The following NLRC5 variants were observed in gnomAD, a reference collection of about 807,000 sequenced individuals.
The protein encoded by NLRC5 is protein NLRC5.
In NLRC5, 114 loss-of-function variants were observed where a neutral mutation model predicts 206.9. The observed-to-expected ratio is 0.55, with a 90% CI of 0.47 to 0.64. NLRC5 has a LOEUF of 0.64. Ranked by LOEUF, NLRC5 falls within the 30% of genes least tolerant of loss-of-function variation. NLRC5 has a pLI of 0.00. For missense variants in NLRC5, 2,008 were observed against 2,305.5 expected (o/e 0.87, Z 2.64); for synonymous variants, 952 against 962.8 (o/e 0.99, Z 0.21).
chr16:57,079,306 C>T lies in NLRC5; in HGVS notation c.5237+14C>T. ...CAGACAGATAGAGTAAGTAGCCTCC[C>T]CTGCCTGCCTAGGGGACCAGTGGCA... On this transcript the variant is annotated intron_variant, in intron 45 of 48. Transcript: ENST00000688547. 1 of 1,612,992 alleles carries T rather than the reference C, an allele frequency of 6.2e-7. No homozygotes were observed. Among genetic ancestry groups the T allele is most frequent in the Non-Finnish European group, 8.5e-7 (1 of 1,179,758 alleles).
At chr16:57,047,733 T>C (rs1170626077) in intron 23 of NLRC5, 105 bp downstream of exon 23, 1 of 974,460 alleles carries the variant, frequency 1.0e-6, no homozygotes, top group African/African-American at 1.6e-5. Context: ...TCTCGATTTC[T>C]TCCCACCAGC....
intron 23 of NLRC5, among the ~76,000 whole-genome samples, chr16:57,051,232 C>A (rs1241680546): frequency 6.6e-6 from 1 of 152,350 alleles, no homozygotes; most frequent in East Asian, 1.9e-4. Context: ...TCTGCTAGTC[C>A]ATTTAGTTTG....
At chr16:57,043,267 A>G (rs76888401) in intron 19 of NLRC5, among the ~76,000 whole-genome samples, 5,526 of 152,242 alleles carry the variant, frequency 0.036, 125 homozygotes, top group Non-Finnish European at 0.055. Flanking sequence ...CGAGGGACCC[A>G]CTGGGTGCCC....
At chr16:57,032,768 G>T (rs1290054307) in intron 11 of NLRC5, among the ~76,000 whole-genome samples, 1 of 150,052 alleles carries the variant, frequency 6.7e-6, no homozygotes, top group African/African-American at 2.5e-5. Context: ...GGCTGAGGGG[G>T]CAGGATCGCT....
At chr16:57,006,026 C>G (rs1183819403) in intron 1 of NLRC5, among the ~76,000 whole-genome samples, 1 of 151,106 alleles carries the variant, frequency 6.6e-6, no homozygotes, top group Non-Finnish European at 1.5e-5. Flanking sequence ...GAGACAGGGT[C>G]TCACTCTGTC....
chr16:57,043,592 G>A lies in NLRC5; in HGVS notation c.3191G>A (p.Arg1064His), dbSNP rs200058267. Reference protein sequence around the residue: ...RCFSTLQWLFRLDISFESQHI... With the variant: ...RCFSTLQWLFHLDISFESQHI... ...TTCTCCACTCTGCAGTGGCTCTTCC[G>A]CTTGGACATCAGGTGAGCGTGCCTC... Residue 1064 changes from arginine (R) to histidine (H), a missense_variant, in exon 20 of 49, where the codon CGC becomes CAC. Coordinates refer to ENST00000688547, the MANE Select transcript of NLRC5 (RefSeq NM_001384950.1). 3.2e-5 allele frequency: 51 copies of A among 1,613,888 alleles called. No homozygotes were observed. Among genetic ancestry groups the A allele is most frequent in the African/African-American group, 6.7e-5 (5 of 75,012 alleles).
intron 32 of NLRC5, chr16:57,061,924 A>C (rs771647419): frequency 1.3e-6 from 2 of 1,496,840 alleles, no homozygotes; most frequent in Admixed American, 4.1e-5. Context: ...TTTGGGATTT[A>C]AGAAAAAAAG....
chr16:57,081,268 C>G, intron 47 of NLRC5, 87 bp downstream of exon 47: 1 of 1,320,354 alleles, frequency 7.6e-7, no homozygotes, highest in Non-Finnish European at 1.0e-6. Flanking sequence ...CAGTCCCCTG[C>G]CTCCCAGAAA....
At chr16:57,030,143 T>A in intron 10 of NLRC5, 59 bp downstream of exon 10, 1 of 1,412,850 alleles carries the variant, frequency 7.1e-7, no homozygotes. Flanking sequence ...GAGGGGAAAG[T>A]GGGATGGGAA....
At position 57,049,221 on chromosome 16, in the gene NLRC5, G is replaced by A. The variant is rs114650078; in HGVS notation, c.3422+1593G>A. On this transcript the variant is annotated intron_variant, in intron 23 of 48. Transcript: ENST00000688547. Reference sequence around the variant, plus strand: ...TAGGCTGCATGCAGCAGGCCATGTGGCTTGGACAACTTGGTCTAGATTGAA... The same window carrying A: ...TAGGCTGCATGCAGCAGGCCATGTGACTTGGACAACTTGGTCTAGATTGAA... 4.1e-3 allele frequency among the ~76,000 whole-genome samples: 623 copies of A among 152,356 alleles called. 6 individuals are homozygous for A. The highest frequency in any genetic ancestry group is 0.015 in the African/African-American group (604 of 41,580).
chr16:57,030,470 A>AGATG (rs2061730514), intron 10 of NLRC5, among the ~76,000 whole-genome samples: 1 of 28,720 alleles, frequency 3.5e-5, no homozygotes, highest in Non-Finnish European at 8.7e-5. Flanking sequence ...ATGGATGAAA[A>AGATG]GATGGATGGG....
chr16:57,024,116 C>T lies in NLRC5; in HGVS notation c.424+263C>T, dbSNP rs577361040. Among the ~76,000 whole-genome samples, 4 of 152,354 alleles carry T rather than the reference C, an allele frequency of 2.6e-5. No homozygotes were observed. In the East Asian group the frequency reaches 5.8e-4, roughly 22 times the overall value. On this transcript the variant is annotated intron_variant, in intron 5 of 48. Transcript: ENST00000688547. ...CGCTGAAGGAGCTGGAAGCACCATA[C>T]AGGTCTCAGCTTCGCTGTCCAGGCT...
chr16:57,050,478 C>A (rs1412877206), intron 23 of NLRC5, among the ~76,000 whole-genome samples: 1 of 152,144 alleles, frequency 6.6e-6, no homozygotes, highest in African/African-American at 2.4e-5. Flanking sequence ...GAGAGGGCAG[C>A]CTGCAGAGGA....
chr16:57,022,436 C>T, intron 4 of NLRC5, 121 bp downstream of exon 4: 1 of 842,142 alleles, frequency 1.2e-6, no homozygotes, highest in Non-Finnish European at 1.9e-6. Flanking sequence ...ATAGGCCATG[C>T]TCTTCGTCTG....
intron 30 of NLRC5, among the ~76,000 whole-genome samples, chr16:57,061,146 C>T (rs1219393002): frequency 6.6e-6 from 1 of 152,220 alleles, no homozygotes; most frequent in Non-Finnish European, 1.5e-5. Context: ...TTAAAGGAGA[C>T]CCTGCGGGTA....
intron 27 of NLRC5, among the ~76,000 whole-genome samples, chr16:57,056,615 T>A (rs1425174292): frequency 1.3e-5 from 2 of 151,760 alleles, no homozygotes; most frequent in Non-Finnish European, 2.9e-5. Context: ...AAGAAATATG[T>A]CTTTGAGTTT....
At chr16:57,032,224 C>T (rs1404971708) in intron 11 of NLRC5, among the ~76,000 whole-genome samples, 1 of 151,920 alleles carries the variant, frequency 6.6e-6, no homozygotes, top group Non-Finnish European at 1.5e-5. Flanking sequence ...GCCTGGGCAA[C>T]ATAGCAAGAC....
intron 1 of NLRC5, among the ~76,000 whole-genome samples, chr16:56,995,892 TAGG>T (rs1429804954): frequency 6.6e-6 from 1 of 152,210 alleles, no homozygotes; most frequent in Admixed American, 6.5e-5. Context: ...ACCTATCCAG[TAGG>T]AGTTCACAAG....
Position 57,061,482 on chromosome 16 carries a change from T to G in NLRC5, c.4021T>G (p.Ser1341Ala), listed in dbSNP as rs2066475828. The change falls in exon 31 of 49, where the codon TCC (serine) becomes GCC (alanine). Residue 1341 changes from serine (S) to alanine (A), a missense_variant. Coordinates refer to ENST00000688547, the MANE Select transcript of NLRC5 (RefSeq NM_001384950.1). ...SECSFRPEHVSRLATGLSKSL... is the reference protein window; with the variant it reads ...SECSFRPEHVARLATGLSKSL... ...GTGCAGCTTCCGGCCAGAGCACGTG[T>G]CCAGGCTGGCCACCGGCTTGAGCAA... The G allele has an allele frequency of 6.2e-7, 1 of 1,611,108 alleles. No individual in the cohort carries two copies. The highest frequency in any genetic ancestry group is 2.2e-5 in the East Asian group (1 of 44,890).
Sources: allele counts gnomAD v4.1 joint callset (sites outside exome capture counted in the v4.1 genomes callset), GRCh38; gene constraint gnomAD v4.1.1; transcripts MANE v1.5; gene names NCBI Gene and HGNC (gene_info 2026-07-23, HGNC 2026-07-21).